The following SLC25A12 variants were observed in gnomAD, a reference collection of about 807,000 sequenced individuals.
SLC25A12 encodes electrogenic aspartate/glutamate antiporter SLC25A12, mitochondrial.
SLC25A12 carries 32 observed loss-of-function variants against 83.3 expected under a neutral mutation model. The observed-to-expected ratio is 0.38, with a 90% CI of 0.29 to 0.52. The LOEUF is 0.52. Ranked by LOEUF, SLC25A12 falls within the 20% of genes least tolerant of loss-of-function variation. SLC25A12 has a pLI of 0.84. For missense variants in SLC25A12, 611 were observed against 835.6 expected (o/e 0.73, Z 3.31); for synonymous variants, 267 against 291.1 (o/e 0.92, Z 0.84).
chr2:171,853,286 G>A (rs1394085923), intron 4 of SLC25A12, among the ~76,000 whole-genome samples: 4 of 152,180 alleles, frequency 2.6e-5, no homozygotes, highest in South Asian at 2.1e-4. Flanking sequence ...ACCTGGTACC[G>A]TAAAAACTAA....
intron 2 of SLC25A12, chr2:171,871,918 C>CAA (rs34494239): frequency 0.53 from 48,344 of 91,460 alleles, 13,461 homozygotes; most frequent in Non-Finnish European, 0.59. Flanking sequence ...GACCCTGTCT[C>CAA]AAAAAAAAAA....
At chr2:171,791,218 T>C (rs1420413043) in intron 15 of SLC25A12, among the ~76,000 whole-genome samples, 3 of 152,208 alleles carry the variant, frequency 2.0e-5, no homozygotes, top group Non-Finnish European at 4.4e-5. Context: ...GATGGGCAGA[T>C]CTAATTTGGC....
At chr2:171,877,797 A>AATG (rs763843193) in intron 2 of SLC25A12, among the ~76,000 whole-genome samples, 2 of 152,216 alleles carry the variant, frequency 1.3e-5, no homozygotes, top group Non-Finnish European at 2.9e-5. Context: ...CAATGATTTG[A>AATG]ATGAGCATAA....
chr2:171,824,422 T>A (rs1042062602), intron 9 of SLC25A12, among the ~76,000 whole-genome samples: 4 of 152,130 alleles, frequency 2.6e-5, no homozygotes, highest in African/African-American at 9.7e-5. Flanking sequence ...GCAGAAAAAC[T>A]GAGGAGGAGA....
At chr2:171,809,324 G>C in intron 13 of SLC25A12, 1 of 421,860 alleles carries the variant, frequency 2.4e-6, no homozygotes, top group South Asian at 2.3e-5. Flanking sequence ...CCCACCAACA[G>C]TGTAAAATGG....
At chr2:171,839,193 T>A (rs1451634683) in intron 5 of SLC25A12, among the ~76,000 whole-genome samples, 1 of 152,196 alleles carries the variant, frequency 6.6e-6, no homozygotes, top group Non-Finnish European at 1.5e-5. Flanking sequence ...CTCAAATGCA[T>A]ATATTTTCAA....
At chr2:171,788,438 T>A (rs998711530) in intron 15 of SLC25A12, 3 of 171,638 alleles carry the variant, frequency 1.7e-5, no homozygotes, top group Non-Finnish European at 3.7e-5. Flanking sequence ...ACTCGCTTGT[T>A]TGAAGGGCTA....
chr2:171,843,262 A>G (rs1292457317), intron 5 of SLC25A12, among the ~76,000 whole-genome samples: 1 of 152,210 alleles, frequency 6.6e-6, no homozygotes, highest in East Asian at 1.9e-4. Context: ...AGAGATCTTA[A>G]TAATTGGGCC....
chr2:171,839,303 C>T (rs972631814), intron 5 of SLC25A12, among the ~76,000 whole-genome samples: 1 of 152,064 alleles, frequency 6.6e-6, no homozygotes, highest in African/African-American at 2.4e-5. Context: ...ACACCTAAAG[C>T]CCATAGTTTC....
At chr2:171,870,276 A>T (rs1258686986) in intron 2 of SLC25A12, among the ~76,000 whole-genome samples, 1 of 152,246 alleles carries the variant, frequency 6.6e-6, no homozygotes, top group Non-Finnish European at 1.5e-5. Context: ...TTGGCTCAAA[A>T]TAAACAGTAT....
chr2:171,882,477 C>T (rs1034071959), intron 2 of SLC25A12, among the ~76,000 whole-genome samples: 5 of 152,220 alleles, frequency 3.3e-5, no homozygotes, highest in Non-Finnish European at 5.9e-5. Context: ...TCTGGGGATG[C>T]TCCACATGGC....
intron 13 of SLC25A12, among the ~76,000 whole-genome samples, chr2:171,799,329 T>C (rs1683662345): frequency 6.6e-6 from 1 of 152,230 alleles, no homozygotes; most frequent in Non-Finnish European, 1.5e-5. Context: ...TTTCAACTTG[T>C]ATGCATATCT....
intron 11 of SLC25A12, among the ~76,000 whole-genome samples, chr2:171,811,401 A>G (rs1246958073): frequency 6.6e-6 from 1 of 152,210 alleles, no homozygotes; most frequent in African/African-American, 2.4e-5. Flanking sequence ...ATCAGGCTCT[A>G]TTACTTTTAA....
intron 2 of SLC25A12, among the ~76,000 whole-genome samples, chr2:171,870,442 C>G (rs1040169411): frequency 1.2e-4 from 18 of 151,642 alleles, no homozygotes; most frequent in African/African-American, 3.6e-4. Context: ...GGCAACATGG[C>G]AAAACCCCAT....
intron 8 of SLC25A12, among the ~76,000 whole-genome samples, chr2:171,830,706 G>C (rs1310365699): frequency 6.6e-6 from 1 of 152,038 alleles, no homozygotes; most frequent in Non-Finnish European, 1.5e-5. Context: ...GTAGAGACGG[G>C]GTTTCACTAT....
In SLC25A12 at chr2:171,894,231, G is replaced by GGGGACGAGCGAGTGAGCGAGCA. The variant is rs781774992; in HGVS notation, c.-18_-17insTGCTCGCTCACTCGCTCGTCCC. 7 of 1,607,922 alleles carry GGGGACGAGCGAGTGAGCGAGCA rather than the reference G, an allele frequency of 4.4e-6. No individual in the cohort carries two copies. The Admixed American group carries it at 8.4e-5, about 19-fold the overall frequency. On this transcript the variant is annotated 5_prime_UTR_variant, in exon 1 of 18. Coordinates refer to ENST00000422440, the MANE Select transcript of SLC25A12 (RefSeq NM_003705.5). Reference sequence around the variant, plus strand: ...GACCGCCATGCTGTGCTCGGAAGCCGGGGACGAGCGAGTGAGCGAGCAGGG... The same window carrying GGGGACGAGCGAGTGAGCGAGCA: ...GACCGCCATGCTGTGCTCGGAAGCCGGGGACGAGCGAGTGAGCGAGCAGGGACGAGCGAGTGAGCGAGCAGGG...
At chr2:171,808,539 G>A (rs1683882629) in intron 13 of SLC25A12, among the ~76,000 whole-genome samples, 1 of 152,086 alleles carries the variant, frequency 6.6e-6, no homozygotes, top group African/African-American at 2.4e-5. Flanking sequence ...TCTCACACTT[G>A]TTTTAAAGTT....
intron 9 of SLC25A12, 109 bp from the exon 10 acceptor site, chr2:171,815,311 ATT>A (rs1196952832): frequency 2.7e-6 from 2 of 745,958 alleles, no homozygotes; most frequent in Non-Finnish European, 4.8e-6. Flanking sequence ...TAAAAGTGAT[ATT>A]GTTAATGCAG....
At chr2:171,847,387 C>A (rs1684820591) in intron 4 of SLC25A12, among the ~76,000 whole-genome samples, 1 of 152,188 alleles carries the variant, frequency 6.6e-6, no homozygotes, top group Non-Finnish European at 1.5e-5. Flanking sequence ...AGCTCCAGAA[C>A]TGGAGAGCTT....
Sources: gnomAD v4.1 joint callset for allele counts (sites outside exome capture counted in the v4.1 genomes callset) on GRCh38, gnomAD v4.1.1 for gene constraint, MANE v1.5 for transcripts, NCBI Gene and HGNC (gene_info 2026-07-23, HGNC 2026-07-21) for gene names.